The following GALNTL6 variants were observed in gnomAD, a reference collection of about 807,000 sequenced individuals.
GALNTL6 encodes the protein polypeptide N-acetylgalactosaminyltransferase like 6, also known as polypeptide N-acetylgalactosaminyltransferase-like 6.
Under a neutral mutation model 73.7 loss-of-function variants are expected in GALNTL6, and 46 were observed. The ratio of observed to expected loss-of-function variants is 0.62; its 90% confidence interval spans 0.49 to 0.80. The LOEUF (loss-of-function observed/expected upper bound fraction) is 0.80, where lower values mean the gene tolerates loss of function less well. GALNTL6 is among the 30% of genes least tolerant of loss of function. The pLI is 0.00. For missense variants in GALNTL6, 604 were observed against 755.0 expected, an observed-to-expected ratio of 0.80 and a Z score of 2.34; for synonymous variants, 259 against 263.7, an observed-to-expected ratio of 0.98 and a Z score of 0.17.
chr4:172,443,121 C>CAT (rs4048464), intron 5 of GALNTL6, among the ~76,000 whole-genome samples: 12,362 of 51,308 alleles, frequency 0.24, 1,424 homozygotes, highest in Middle Eastern at 0.38. Flanking sequence ...GATCCATATA[C>CAT]ATATATATAT....
intron 5 of GALNTL6, among the ~76,000 whole-genome samples, chr4:172,764,974 T>C (rs552449976): frequency 5.3e-5 from 8 of 152,336 alleles, no homozygotes; most frequent in African/African-American, 1.7e-4. Context: ...CCAAAGAACA[T>C]ATATTCGAGC....
At chr4:171,951,928 C>A (rs892628108) in intron 2 of GALNTL6, among the ~76,000 whole-genome samples, 3 of 151,698 alleles carry the variant, frequency 2.0e-5, no homozygotes, top group Non-Finnish European at 2.9e-5. Flanking sequence ...GCAATGTATC[C>A]CAGAGTTACA....
At chr4:172,131,418 T>G (rs1000812562) in intron 2 of GALNTL6, among the ~76,000 whole-genome samples, 1 of 98,650 alleles carries the variant, frequency 1.0e-5, no homozygotes, top group Non-Finnish European at 2.1e-5. Flanking sequence ...TATATATATA[T>G]ATATATATAT....
chr4:172,093,783 C>G (rs1732274056), intron 2 of GALNTL6, among the ~76,000 whole-genome samples: 1 of 152,168 alleles, frequency 6.6e-6, no homozygotes, highest in South Asian at 2.1e-4. Context: ...TGAGAAGATT[C>G]CAGGTTGCAG....
At chr4:172,693,673 C>T (rs1018005066) in intron 5 of GALNTL6, among the ~76,000 whole-genome samples, 3 of 152,142 alleles carry the variant, frequency 2.0e-5, no homozygotes, top group Non-Finnish European at 4.4e-5. Flanking sequence ...TTTTTCATTT[C>T]TTCCCAGGTG....
chr4:172,427,241 G>A (rs1731265614), intron 5 of GALNTL6, among the ~76,000 whole-genome samples: 2 of 152,164 alleles, frequency 1.3e-5, no homozygotes, highest in Admixed American at 6.6e-5. Flanking sequence ...AGTTCCACAT[G>A]GCTGGGGAGG....
chr4:172,038,143 G>A (rs1211464207), intron 2 of GALNTL6, among the ~76,000 whole-genome samples: 1 of 151,454 alleles, frequency 6.6e-6, no homozygotes, highest in African/African-American at 2.4e-5. Context: ...AAAATTTAGA[G>A]ATAATTTTCT....
chr4:172,179,891 T>C (rs1196265095), intron 2 of GALNTL6, among the ~76,000 whole-genome samples: 1 of 152,194 alleles, frequency 6.6e-6, no homozygotes, highest in Non-Finnish European at 1.5e-5. Flanking sequence ...TTGTGAACAG[T>C]GCTGCAATAA....
intron 8 of GALNTL6, among the ~76,000 whole-genome samples, chr4:172,909,323 C>T (rs1186668901): frequency 7.0e-6 from 1 of 143,562 alleles, no homozygotes; most frequent in Non-Finnish European, 1.5e-5. Flanking sequence ...AAAAAAAAAA[C>T]TAGAAGCAAT....
intron 5 of GALNTL6, among the ~76,000 whole-genome samples, chr4:172,786,018 C>A (rs1739631729): frequency 6.6e-6 from 1 of 152,064 alleles, no homozygotes; most frequent in Non-Finnish European, 1.5e-5. Context: ...TCCACTATAT[C>A]CTGGTTAACA....
chr4:172,108,726 A>C (rs547793288), intron 2 of GALNTL6, among the ~76,000 whole-genome samples: 1 of 152,056 alleles, frequency 6.6e-6, no homozygotes, highest in Non-Finnish European at 1.5e-5. Context: ...GTGCAATAGA[A>C]ATTTGAATTT....
chr4:172,959,196 G>A (rs965008768), intron 10 of GALNTL6, among the ~76,000 whole-genome samples: 6 of 152,108 alleles, frequency 3.9e-5, no homozygotes, highest in Non-Finnish European at 5.9e-5. Context: ...GGGAGTAGAG[G>A]TGTCCTATAC....
chr4:172,316,969 C>T (rs568509629), intron 4 of GALNTL6, among the ~76,000 whole-genome samples: 1 of 152,208 alleles, frequency 6.6e-6, no homozygotes, highest in South Asian at 2.1e-4. Context: ...AGCTTTGTAA[C>T]CCAAACCCAC....
chr4:172,994,200 T>C (rs1269923050), intron 10 of GALNTL6, among the ~76,000 whole-genome samples: 1 of 152,222 alleles, frequency 6.6e-6, no homozygotes, highest in Non-Finnish European at 1.5e-5. Context: ...GCATTTCTGA[T>C]GTCACTGGTT....
In GALNTL6 at chr4:172,557,049, T is replaced by C. The variant is rs552389645; in HGVS notation, c.553+208360T>C. 5.3e-5 allele frequency among the ~76,000 whole-genome samples: 8 copies of C among 152,288 alleles called. No homozygotes were observed. The South Asian group carries it at 1.7e-3, about 32-fold the overall frequency. On this transcript the variant is annotated intron_variant, in intron 5 of 12. Coordinates refer to ENST00000506823, the MANE Select transcript of GALNTL6 (RefSeq NM_001034845.3). ...CAGAACATGAATGTTCAGTAAGATA[T>C]TAATAGATGCTCCTTGAAAAAGTAT...
chr4:172,124,150 A>AT (rs776503751), intron 2 of GALNTL6, among the ~76,000 whole-genome samples: 38 of 152,336 alleles, frequency 2.5e-4, no homozygotes, highest in Admixed American at 4.6e-4. Flanking sequence ...AACCAGAATT[A>AT]TGTCTGATGC....
intron 7 of GALNTL6, among the ~76,000 whole-genome samples, chr4:172,841,933 A>C (rs1391740482): frequency 1.3e-5 from 2 of 152,302 alleles, no homozygotes; most frequent in South Asian, 2.1e-4. Context: ...TTTAGATAAT[A>C]ACAGCTGCCA....
At chr4:172,761,184 A>G (rs1033901317) in intron 5 of GALNTL6, among the ~76,000 whole-genome samples, 1 of 152,212 alleles carries the variant, frequency 6.6e-6, no homozygotes, top group Admixed American at 6.5e-5. Context: ...ATTAGGTGGT[A>G]CAAGTTGCAG....
intron 2 of GALNTL6, among the ~76,000 whole-genome samples, chr4:172,227,605 GA>G (rs1179369086): frequency 6.6e-6 from 1 of 152,042 alleles, no homozygotes; most frequent in Non-Finnish European, 1.5e-5. Context: ...TACACATTTT[GA>G]AAATTCCGTG....
Sources: gnomAD v4.1 joint callset for allele counts (sites outside exome capture counted in the v4.1 genomes callset) on GRCh38, gnomAD v4.1.1 for gene constraint, MANE v1.5 for transcripts, NCBI Gene and HGNC (gene_info 2026-07-23, HGNC 2026-07-21) for gene names.